TENM4: variants seen among roughly 807,000 people sequenced by gnomAD.
TENM4 encodes teneurin-4.
Under a neutral mutation model 243.3 loss-of-function variants are expected in TENM4, and 82 were observed. The ratio of observed to expected loss-of-function variants is 0.34; its 90% CI spans 0.28 to 0.40. TENM4 has a LOEUF of 0.40. Among genes scored for constraint, TENM4 ranks in the 10% least tolerant of loss-of-function variants. The pLI, the probability that TENM4 is intolerant of heterozygous loss-of-function variation, is 1.00. For synonymous variants in TENM4, 1,412 were observed against 1,456.3 expected (o/e 0.97, Z 0.69); for missense variants, 3,138 against 3,673.3 (o/e 0.85, Z 3.77).
chr11:79,285,747 G>GA (rs1315539322), intron 2 of TENM4, among the ~76,000 whole-genome samples: 19 of 148,378 alleles, frequency 1.3e-4, no homozygotes, highest in African/African-American at 4.0e-4. Context: ...TATGCTAAGT[G>GA]AAAAAAACCA....
intron 3 of TENM4, among the ~76,000 whole-genome samples, chr11:79,193,776 C>G (rs559723851): frequency 6.6e-6 from 1 of 152,268 alleles, no homozygotes; most frequent in African/African-American, 2.4e-5. Context: ...TGAAAGCTCA[C>G]AGAGGTCAGG....
intron 3 of TENM4, among the ~76,000 whole-genome samples, chr11:79,205,284 G>C (rs889011604): frequency 6.6e-6 from 1 of 152,146 alleles, no homozygotes; most frequent in Non-Finnish European, 1.5e-5. Context: ...TCATAGCCAA[G>C]ATATGGATAT....
chr11:79,201,812 C>T (rs1863743955), intron 3 of TENM4, among the ~76,000 whole-genome samples: 2 of 152,158 alleles, frequency 1.3e-5, no homozygotes, highest in Admixed American at 1.3e-4. Flanking sequence ...GACCCAATCT[C>T]ATTTGTTTTA....
At position 79,440,005 on chromosome 11, in the gene TENM4, C is replaced by T. The variant is rs867727042; in HGVS notation, c.-321+504G>A. 2.5e-4 allele frequency among the ~76,000 whole-genome samples: 38 copies of T among 152,132 alleles called. No individual in the cohort carries two copies. Among genetic ancestry groups the T allele is most frequent in the Middle Eastern group, 3.4e-3 (1 of 292 alleles). On this transcript the variant is annotated intron_variant, in intron 1 of 33. Coordinates refer to ENST00000278550, the MANE Select transcript of TENM4 (RefSeq NM_001098816.3). The surrounding 1 kb of genome is among the most constrained non-coding windows in gnomAD (Gnocchi z 4.7). ...GCATCTCCAGGATCTGAGCTCCAAC[C>T]ACCGCCCGTGCGGGGCTGCTGCAGC...
intron 12 of TENM4, among the ~76,000 whole-genome samples, chr11:78,832,805 A>G (rs1858012625): frequency 1.3e-5 from 2 of 152,230 alleles, no homozygotes; most frequent in Non-Finnish European, 2.9e-5. Flanking sequence ...CTCAGGCTCC[A>G]GAGCTTATCC....
intron 9 of TENM4, among the ~76,000 whole-genome samples, chr11:78,875,594 A>G (rs1351752413): frequency 6.6e-6 from 1 of 152,200 alleles, no homozygotes; most frequent in Non-Finnish European, 1.5e-5. Flanking sequence ...GCATATGGGA[A>G]GGGTAGAGGC....
At chr11:78,738,771 G>C (rs1293243795) in intron 19 of TENM4, among the ~76,000 whole-genome samples, 1 of 152,198 alleles carries the variant, frequency 6.6e-6, no homozygotes, top group Non-Finnish European at 1.5e-5. Flanking sequence ...GTGTCCTTGA[G>C]AGAATTACTA....
chr11:79,257,899 CAA>C (rs1855726159), intron 2 of TENM4, among the ~76,000 whole-genome samples: 1 of 152,166 alleles, frequency 6.6e-6, no homozygotes, highest in Non-Finnish European at 1.5e-5. Context: ...GGCAAATGTT[CAA>C]AAGACTTGTC....
intron 21 of TENM4, among the ~76,000 whole-genome samples, chr11:78,730,133 T>C (rs1359872411): frequency 6.6e-6 from 1 of 152,190 alleles, no homozygotes; most frequent in Non-Finnish European, 1.5e-5. Flanking sequence ...TCACTGGCTT[T>C]GTGTGAGGAC....
chr11:79,206,969 G>T (rs946363244), intron 3 of TENM4, among the ~76,000 whole-genome samples: 3 of 152,116 alleles, frequency 2.0e-5, no homozygotes, highest in Non-Finnish European at 2.9e-5. Context: ...ATTTACTGGG[G>T]GCCTTCGTGG....
chr11:79,038,171 G>A (rs1240368771), intron 6 of TENM4, among the ~76,000 whole-genome samples: 5 of 152,180 alleles, frequency 3.3e-5, no homozygotes, highest in African/African-American at 1.2e-4. Context: ...AGTAGGTACT[G>A]TACACATTTC....
chr11:78,987,827 T>C (rs988517379), intron 6 of TENM4, among the ~76,000 whole-genome samples: 1 of 152,184 alleles, frequency 6.6e-6, no homozygotes, highest in East Asian at 1.9e-4. Flanking sequence ...GGTACTACTC[T>C]TATTTCTATT....
chr11:78,744,790 GT>G (rs1297126296), intron 19 of TENM4, among the ~76,000 whole-genome samples: 13 of 152,190 alleles, frequency 8.5e-5, no homozygotes, highest in Non-Finnish European at 1.3e-4. Context: ...TTGGTGCAAG[GT>G]TTGATGAGTA....
intron 3 of TENM4, among the ~76,000 whole-genome samples, chr11:79,207,585 C>A (rs1039153523): frequency 6.6e-6 from 1 of 152,012 alleles, no homozygotes; most frequent in Admixed American, 6.6e-5. Flanking sequence ...ATACAGGTGG[C>A]GGGGTGTGGT....
At chr11:79,079,138 G>A (rs1860602471) in intron 4 of TENM4, among the ~76,000 whole-genome samples, 1 of 152,218 alleles carries the variant, frequency 6.6e-6, no homozygotes. Context: ...GCTTTCCTGG[G>A]AGCGTGGTGG....
At chr11:78,780,813 G>C (rs1327746034) in intron 16 of TENM4, among the ~76,000 whole-genome samples, 3 of 152,176 alleles carry the variant, frequency 2.0e-5, no homozygotes, top group African/African-American at 7.2e-5. Context: ...AATTTCTCCA[G>C]ACCACAGGTA....
At chr11:79,399,583 C>A (rs527271505) in intron 1 of TENM4, among the ~76,000 whole-genome samples, 1 of 152,228 alleles carries the variant, frequency 6.6e-6, no homozygotes, top group South Asian at 2.1e-4. Context: ...TATAATACAG[C>A]CTGGCTAATT....
chr11:78,938,287 T>G lies in TENM4; in HGVS notation c.494-34764A>C, dbSNP rs185984183. On this transcript the variant is annotated intron_variant, in intron 6 of 33. Transcript: ENST00000278550. Reference sequence around the variant, plus strand: ...GGCCTTTTTTATTTTGAAATAATTTTAGATTCACCTAAAACTTGCAAAAAT... The same window carrying G: ...GGCCTTTTTTATTTTGAAATAATTTGAGATTCACCTAAAACTTGCAAAAAT... Among the ~76,000 whole-genome samples, 469 of 152,368 alleles carry G rather than the reference T, an allele frequency of 3.1e-3. 1 individual carries two copies. The highest frequency in any genetic ancestry group is 5.6e-3 in the South Asian group (27 of 4,832).
chr11:78,747,225 A>G (rs1340490057), intron 19 of TENM4, among the ~76,000 whole-genome samples: 1 of 152,212 alleles, frequency 6.6e-6, no homozygotes, highest in East Asian at 1.9e-4. Context: ...TCACTAGGTT[A>G]TCATGCCCAG....
Sources: allele counts gnomAD v4.1 joint callset (sites outside exome capture counted in the v4.1 genomes callset), GRCh38; gene constraint gnomAD v4.1.1; non-coding constraint Gnocchi (gnomAD v3.1); transcripts MANE v1.5; gene names NCBI Gene and HGNC (gene_info 2026-07-23, HGNC 2026-07-21).